MGAT5: variants seen among roughly 807,000 people sequenced by gnomAD.
MGAT5 encodes alpha-1,6-mannosylglycoprotein 6-beta-N-acetylglucosaminyltransferase A.
A neutral mutation model predicts 94.3 loss-of-function variants in MGAT5; 30 were observed. The observed-to-expected ratio is 0.32, with a 90% CI of 0.24 to 0.43. The LOEUF is 0.43. MGAT5 is among the 20% of genes least tolerant of loss of function. MGAT5 has a pLI of 1.00. For missense variants in MGAT5, 691 were observed against 905.5 expected, an observed-to-expected ratio of 0.76 and a Z score of 3.04; for synonymous variants, 310 against 322.9, an observed-to-expected ratio of 0.96 and a Z score of 0.43.
chr2:134,357,719 T>C (rs1036784263), intron 9 of MGAT5, among the ~76,000 whole-genome samples: 3 of 152,178 alleles, frequency 2.0e-5, no homozygotes, highest in African/African-American at 7.2e-5. Context: ...AAGGAGTCCA[T>C]TCCCTCTTAA....
chr2:134,153,958 A>G (rs73005594), intron 1 of MGAT5, among the ~76,000 whole-genome samples: 5,918 of 152,240 alleles, frequency 0.039, 397 homozygotes, highest in African/African-American at 0.14. Flanking sequence ...CATAGGGGCA[A>G]CGGCAGGGCT....
intron 1 of MGAT5, among the ~76,000 whole-genome samples, chr2:134,202,421 T>C (rs556019386): frequency 6.6e-6 from 1 of 152,370 alleles, no homozygotes; most frequent in South Asian, 2.1e-4. Flanking sequence ...AGTAGGCCCT[T>C]ACCAGATGCC....
At chr2:134,263,932 A>G (rs1481592277) in intron 1 of MGAT5, among the ~76,000 whole-genome samples, 1 of 151,330 alleles carries the variant, frequency 6.6e-6, no homozygotes, top group African/African-American at 2.4e-5. Flanking sequence ...AAAAAGTGAT[A>G]CGTACATGTG....
chr2:134,138,570 A>T (rs1686523444), intron 1 of MGAT5, among the ~76,000 whole-genome samples: 1 of 152,222 alleles, frequency 6.6e-6, no homozygotes, highest in Non-Finnish European at 1.5e-5. Flanking sequence ...TGAGGACCTC[A>T]CACATGCAGA....
intron 1 of MGAT5, among the ~76,000 whole-genome samples, chr2:134,232,008 A>G (rs1478155168): frequency 6.6e-6 from 1 of 151,488 alleles, no homozygotes; most frequent in Non-Finnish European, 1.5e-5. Context: ...CAGCTCCTCC[A>G]TTTTCCTGTC....
chr2:134,297,985 T>C (rs1410104163), intron 2 of MGAT5, among the ~76,000 whole-genome samples: 1 of 152,184 alleles, frequency 6.6e-6, no homozygotes, highest in Non-Finnish European at 1.5e-5. Flanking sequence ...TTCTGTTTTC[T>C]GTTTAGCTAA....
intron 2 of MGAT5, among the ~76,000 whole-genome samples, chr2:134,295,655 T>G (rs910801709): frequency 3.3e-5 from 5 of 152,190 alleles, no homozygotes; most frequent in African/African-American, 1.2e-4. Flanking sequence ...GTGCTGTTGC[T>G]GGCTGCAGCC....
chr2:134,151,102 C>T (rs539218180), intron 1 of MGAT5, among the ~76,000 whole-genome samples: 1 of 152,122 alleles, frequency 6.6e-6, no homozygotes, highest in African/African-American at 2.4e-5. Flanking sequence ...CATAATTATG[C>T]AGCCCATAGA....
At position 134,365,872 on chromosome 2, in the gene MGAT5, G is replaced by A. The variant is rs140199996; in HGVS notation, c.1380+3464G>A. ...GTGTATTAAATATACAAGCTAAGGA[G>A]GAGCGGGCTTGTCCTTTAATATCCT... is the stretch of plus-strand genomic sequence containing the variant. On this transcript the variant is annotated intron_variant, in intron 10 of 15. Transcript: ENST00000281923. 4.4e-3 allele frequency among the ~76,000 whole-genome samples: 664 copies of A among 152,102 alleles called. 5 individuals carry two copies. Among genetic ancestry groups the A allele is most frequent in the African/African-American group, 0.015 (613 of 41,490 alleles).
intron 1 of MGAT5, among the ~76,000 whole-genome samples, chr2:134,123,064 G>A (rs1685690553): frequency 6.6e-6 from 1 of 152,160 alleles, no homozygotes; most frequent in Admixed American, 6.5e-5. Context: ...ATGTTCTTTG[G>A]TAGAATCTGG....
intron 1 of MGAT5, among the ~76,000 whole-genome samples, chr2:134,240,170 T>C (rs1257184): frequency 0.58 from 88,084 of 152,056 alleles, 29,104 homozygotes; most frequent in Non-Finnish European, 0.75. Context: ...TCTCTTCTTT[T>C]GTTTACTGCT....
At chr2:134,365,987 C>G (rs867797529) in intron 10 of MGAT5, among the ~76,000 whole-genome samples, 1 of 152,004 alleles carries the variant, frequency 6.6e-6, no homozygotes, top group African/African-American at 2.4e-5. Context: ...GGGAATCTTG[C>G]CGTCAGACTC....
At chr2:134,163,771 AC>A (rs1480277092) in intron 1 of MGAT5, among the ~76,000 whole-genome samples, 1 of 152,136 alleles carries the variant, frequency 6.6e-6, no homozygotes, top group Non-Finnish European at 1.5e-5. Flanking sequence ...ACTGAGAGAG[AC>A]CCAGGTCTGA....
At chr2:134,256,637 C>T (rs1228385584) in intron 1 of MGAT5, among the ~76,000 whole-genome samples, 1 of 152,082 alleles carries the variant, frequency 6.6e-6, no homozygotes, top group Non-Finnish European at 1.5e-5. Context: ...TTTTAAGTTA[C>T]AAAAAAATCC....
intron 1 of MGAT5, among the ~76,000 whole-genome samples, chr2:134,255,204 T>G (rs1339730233): frequency 2.0e-5 from 3 of 152,190 alleles, no homozygotes. Flanking sequence ...GCCCTCACTT[T>G]GAAAGGAATC....
chr2:134,139,386 G>A (rs998230593), intron 1 of MGAT5, among the ~76,000 whole-genome samples: 9 of 152,024 alleles, frequency 5.9e-5, no homozygotes, highest in African/African-American at 2.2e-4. Flanking sequence ...TTAGCACTCT[G>A]GCCGTGGCTG....
intron 2 of MGAT5, among the ~76,000 whole-genome samples, chr2:134,278,269 T>G (rs1684498651): frequency 6.6e-6 from 1 of 152,222 alleles, no homozygotes; most frequent in African/African-American, 2.4e-5. Context: ...TTCTGTCTTT[T>G]ATTTTGCCTT....
At chr2:134,360,795 C>A (rs1680038761) in intron 9 of MGAT5, among the ~76,000 whole-genome samples, 1 of 152,224 alleles carries the variant, frequency 6.6e-6, no homozygotes, top group Non-Finnish European at 1.5e-5. Context: ...TTCCAGCCAA[C>A]TGCAGCCATT....
intron 1 of MGAT5, among the ~76,000 whole-genome samples, chr2:134,136,295 G>A (rs754076206): frequency 1.3e-4 from 20 of 152,194 alleles, no homozygotes; most frequent in Non-Finnish European, 2.2e-4. Context: ...GGCCAGACGC[G>A]GTGGCTCATG....
Sources: allele counts gnomAD v4.1 joint callset (sites outside exome capture counted in the v4.1 genomes callset), GRCh38; gene constraint gnomAD v4.1.1; transcripts MANE v1.5; gene names NCBI Gene and HGNC (gene_info 2026-07-23, HGNC 2026-07-21).